FOXI2: variants seen among roughly 807,000 people sequenced by gnomAD.
The protein encoded by FOXI2 is forkhead box protein I2.
Under a neutral mutation model 14.3 loss-of-function variants are expected in FOXI2, and 17 were observed. The observed-to-expected ratio is 1.19, with a 90% CI of 0.81 to 1.78. FOXI2 has a LOEUF of 1.78. Ranked by LOEUF, FOXI2 falls within the 40% of genes most tolerant of loss-of-function variation. FOXI2 has a pLI of 0.00. For synonymous variants in FOXI2, 240 were observed against 218.8 expected (o/e 1.10, Z -0.85); for missense variants, 541 against 460.0 (o/e 1.18, Z -1.61).
At position 127,738,789 on chromosome 10, in the gene FOXI2, A is replaced by G; in HGVS notation, c.781A>G (p.Thr261Ala). 1 of 1,605,760 alleles carries G rather than the reference A, an allele frequency of 6.2e-7. No individual in the cohort carries two copies. Among genetic ancestry groups the G allele is most frequent in the Non-Finnish European group, 8.5e-7 (1 of 1,177,070 alleles). ...AMSALAGGLG[T>A]FPGGLAGDFS... is the part of the protein sequence containing the mutation. ...GAGCGCTCTGGCTGGCGGCCTTGGC[A>G]CCTTCCCCGGGGGCCTGGCGGGCGA... is the stretch of plus-strand genomic sequence containing the variant. Residue 261 changes from threonine to alanine, a missense_variant, in exon 2 of 2, where the codon ACC becomes GCC. Coordinates refer to ENST00000388920, the MANE Select transcript of FOXI2 (RefSeq NM_207426.3).
chr10:127,740,023 CT>C lies in FOXI2; in HGVS notation c.*1059del, dbSNP rs1418957141. ...ACCCACACTCACACTGACACCCACACTCACACCCACACTCACACTGACACCC... is the reference window on the plus strand; with the variant it reads ...ACCCACACTCACACTGACACCCACACCACACCCACACTCACACTGACACCC... On this transcript the variant is annotated 3_prime_UTR_variant, in exon 2 of 2. Coordinates refer to ENST00000388920, the MANE Select transcript of FOXI2 (RefSeq NM_207426.3). The C allele has an allele frequency of 7.0e-6, 1 of 141,888 alleles. No homozygotes were observed. Among genetic ancestry groups the C allele is most frequent in the African/African-American group, 2.7e-5 (1 of 37,248 alleles). The allele number at this position is 141,888 out of a possible 1,614,324, so 8.8% of individuals were successfully genotyped here. A position where few individuals can be genotyped will look rare whatever the true frequency, so the allele number is the denominator to read the frequency against.
rs1254912573 is a variant in FOXI2 at position 127,741,103 on chromosome 10, C to T, written c.*2138C>T. Reference sequence around the variant, plus strand: ...AAGACCAGGAAAGGAAAATAAATTCCTTAGCTTATACATTTAAAAAGTATC... The same window carrying T: ...AAGACCAGGAAAGGAAAATAAATTCTTTAGCTTATACATTTAAAAAGTATC... On this transcript the variant is annotated 3_prime_UTR_variant, in exon 2 of 2. Transcript: ENST00000388920. The T allele has an allele frequency of 6.6e-6, 1 of 152,194 alleles. No individual in the cohort carries two copies. The allele number at this position is 152,194 out of a possible 1,614,324, so 9.4% of individuals were successfully genotyped here.
At chr10:127,738,421 GC>G (rs1343791484) in intron 1 of FOXI2, 98 bp from the exon 2 acceptor site, 4 of 931,514 alleles carry the variant, frequency 4.3e-6, no homozygotes, top group Non-Finnish European at 4.9e-6. Flanking sequence ...CTCTGTAAGG[GC>G]CAGCAGGGGA....
At position 127,737,342 on chromosome 10, in the gene FOXI2, C is replaced by A. The variant is rs551514888; in HGVS notation, c.69C>A (p.His23Gln). The A allele has an allele frequency of 2.1e-5, 30 of 1,429,484 alleles. 1 individual carries two copies. The South Asian group carries it at 2.6e-4, about 12-fold the overall frequency. 88.6% of individuals were successfully genotyped at this position (1,429,484 alleles called of 1,614,324 possible). A position where few individuals can be genotyped will look rare whatever the true frequency, so the allele number is the denominator to read the frequency against. ...CCGGCCAGGCCCAGGCCACCGCGCACCCCCCGGGCTATGAGCCAGGGGATC... is the reference window on the plus strand; with the variant it reads ...CCGGCCAGGCCCAGGCCACCGCGCAACCCCCGGGCTATGAGCCAGGGGATC... Reference protein sequence around the residue: ...APPGQAQATAHPPGYEPGDLG... With the variant: ...APPGQAQATAQPPGYEPGDLG... Residue 23 changes from histidine (H) to glutamine (Q), a missense_variant, in exon 1 of 2, where the codon CAC becomes CAA. Transcript: ENST00000388920.
In FOXI2 at chr10:127,740,148, C is replaced by CAT. The variant is rs1554874577; in HGVS notation, c.*1184_*1185insTA. 9.1e-3 allele frequency: 89 copies of CAT among 9,818 alleles called. 3 individuals are homozygous for CAT. The highest frequency in any genetic ancestry group is 0.012 in the African/African-American group (77 of 6,574). 0.6% of individuals were successfully genotyped at this position (9,818 alleles called of 1,614,324 possible). A position where few individuals can be genotyped will look rare whatever the true frequency, so the allele number is the denominator to read the frequency against. ...ACCCACACACACCCACACTCATACTCACACCCACACCCACACTCATACTCA... is the reference window on the plus strand; with the variant it reads ...ACCCACACACACCCACACTCATACTCATACACCCACACCCACACTCATACTCA... On this transcript the variant is annotated 3_prime_UTR_variant, in exon 2 of 2. Coordinates refer to ENST00000388920, the MANE Select transcript of FOXI2 (RefSeq NM_207426.3).
chr10:127,738,359 C>T (rs964812492), intron 1 of FOXI2, among the ~76,000 whole-genome samples, 161 bp from the exon 2 acceptor site: 3 of 152,092 alleles, frequency 2.0e-5, no homozygotes, highest in African/African-American at 4.8e-5. Flanking sequence ...TGTGGAGGCC[C>T]ATCGGGTACA....
rs1341966949 is a variant in FOXI2, at chr10:127,738,569, C to T, written c.561C>T (p.Asp187=). 6.2e-7 allele frequency: 1 copy of T among 1,613,080 alleles called. No individual in the cohort carries two copies. The highest frequency in any genetic ancestry group is 1.1e-5 in the South Asian group (1 of 90,860). ...TLDPNCEKMF[D]NGNFRRKRKR... is the part of the protein sequence containing the mutation. ...ACCCCAACTGCGAGAAGATGTTTGA[C>T]AACGGGAACTTCCGAAGGAAGAGGA... Residue 187 remains aspartate (D), a synonymous_variant, in exon 2 of 2, where the codon GAC becomes GAT. Transcript: ENST00000388920.
In FOXI2 at chr10:127,740,386, G is replaced by A. The variant is rs1194432977; in HGVS notation, c.*1421G>A. ...TTCTTAGGGATGGTATCTTTGTGAA[G>A]GACAAGGAGCCCCCAGTCACTGGGA... is the stretch of plus-strand genomic sequence containing the variant. On this transcript the variant is annotated 3_prime_UTR_variant, in exon 2 of 2. Transcript: ENST00000388920. 2 of 152,322 alleles carry A rather than the reference G, an allele frequency of 1.3e-5. No individual in the cohort carries two copies. The highest frequency in any genetic ancestry group is 4.8e-5 in the African/African-American group (2 of 41,442). 9.4% of individuals were successfully genotyped at this position (152,322 alleles called of 1,614,324 possible).
chr10:127,737,412 G>A lies in FOXI2; in HGVS notation c.139G>A (p.Ala47Thr). 7.2e-7 allele frequency: 1 copy of A among 1,384,000 alleles called. No individual in the cohort carries two copies. Among genetic ancestry groups the A allele is most frequent in the Middle Eastern group, 2.6e-4 (1 of 3,792 alleles). 85.7% of individuals were successfully genotyped at this position (1,384,000 alleles called of 1,614,324 possible). Residue 47 changes from alanine (A) to threonine (T), a missense_variant, in exon 1 of 2, where the codon GCG becomes ACG. By Grantham distance (58) the Ala-to-Thr change is moderately conservative. Coordinates refer to ENST00000388920, the MANE Select transcript of FOXI2 (RefSeq NM_207426.3). ...CCCCCTCCTGTGGGTGAACGCGCCA[G>A]CGCTCAGCCCCAAGTCCTACGCTTC... ...GGPLLWVNAP[A>T]LSPKSYASGP...
chr10:127,738,753 G>T lies in FOXI2; in HGVS notation c.745G>T (p.Ala249Ser), dbSNP rs750516713. 1.9e-6 allele frequency: 3 copies of T among 1,604,192 alleles called. No individual in the cohort carries two copies. Among genetic ancestry groups the T allele is most frequent in the African/African-American group, 1.3e-5 (1 of 74,646 alleles). Residue 249 changes from alanine to serine, a missense_variant, in exon 2 of 2, where the codon GCT (alanine) becomes TCT (serine). Ala to Ser is a moderately conservative substitution (Grantham distance 99, BLOSUM62 1). Transcript: ENST00000388920. ...GGCCGCCACCTGCTTCTCCGGTTTC[G>T]CTTCTGCTATGAGCGCTCTGGCTGG... ...PEAATCFSGF[A>S]SAMSALAGGL...
In FOXI2 at chr10:127,740,209, C is replaced by CCACACT. The variant is rs1846507511; in HGVS notation, c.*1249_*1250insTCACAC. ...CCCACACCCACACCCACACCCACAC[C>CCACACT]CACACCCACACTCACACAGGCTCAT... is the stretch of plus-strand genomic sequence containing the variant. On this transcript the variant is annotated 3_prime_UTR_variant, in exon 2 of 2. Transcript: ENST00000388920. 3 of 141,342 alleles carry CCACACT rather than the reference C, an allele frequency of 2.1e-5. No homozygotes were observed. Among genetic ancestry groups the CCACACT allele is most frequent in the Admixed American group, 7.0e-5 (1 of 14,338 alleles). The allele number at this position is 141,342 out of a possible 1,614,324, so 8.8% of individuals were successfully genotyped here. A position where few individuals can be genotyped will look rare whatever the true frequency, so the allele number is the denominator to read the frequency against.
In FOXI2 at chr10:127,737,661, C is replaced by G. The variant is rs1397816335; in HGVS notation, c.388C>G (p.Gln130Glu). 1.3e-6 allele frequency: 2 copies of G among 1,590,952 alleles called. No homozygotes were observed. The highest frequency in any genetic ancestry group is 1.3e-5 in the African/African-American group (1 of 74,276). The part of the protein sequence containing the change: ...LRKLTLSQIY[Q>E]YVAGNFPFYK... ...GAAGCTGACGCTCAGCCAGATCTAC[C>G]AGTACGTGGCTGGTAACTTCCCTTT... is the stretch of plus-strand genomic sequence containing the variant. The change falls in exon 1 of 2, where the codon CAG (glutamine) becomes GAG (glutamate). Residue 130 changes from glutamine (Q) to glutamate (E), a missense_variant. Physicochemically the swap from Gln to Glu is conservative, Grantham distance 29. Coordinates refer to ENST00000388920, the MANE Select transcript of FOXI2 (RefSeq NM_207426.3).
In FOXI2 at chr10:127,739,831, ACCCACACTCACACTCACACT is replaced by A. The variant is rs1846476911; in HGVS notation, c.*868_*887del. ...CACTCACACCCACACCCACACCCAC[ACCCACACTCACACTCACACT>A]CACACCCACACTCACACCCACACTC... On this transcript the variant is annotated 3_prime_UTR_variant, in exon 2 of 2. Transcript: ENST00000388920. 9.1e-6 allele frequency: 1 copy of A among 109,410 alleles called. No homozygotes were observed. Among genetic ancestry groups the A allele is most frequent in the Non-Finnish European group, 1.9e-5 (1 of 53,688 alleles). The allele number at this position is 109,410 out of a possible 1,614,324, so 6.8% of individuals were successfully genotyped here.
At chr10:127,737,906 C>T in intron 1 of FOXI2, 122 bp downstream of exon 1, 1 of 1,436,164 alleles carries the variant, frequency 7.0e-7, no homozygotes, top group Non-Finnish European at 9.3e-7. Context: ...TGGGGATACC[C>T]GGGGAGGAGG....
In FOXI2 at chr10:127,738,724, C is replaced by A. The variant is rs367681319; in HGVS notation, c.716C>A (p.Pro239His). Residue 239 changes from proline (P) to histidine (H), a missense_variant, in exon 2 of 2, where the codon CCC becomes CAC. Pro to His is a moderately conservative substitution (Grantham distance 77). Coordinates refer to ENST00000388920, the MANE Select transcript of FOXI2 (RefSeq NM_207426.3). The part of the protein sequence containing the change: ...DLQASPSPSA[P>H]EAATCFSGFA... Reference sequence around the variant, plus strand: ...CAGGCCTCGCCCTCTCCATCCGCACCCGAGGCCGCCACCTGCTTCTCCGGT... The same window carrying A: ...CAGGCCTCGCCCTCTCCATCCGCACACGAGGCCGCCACCTGCTTCTCCGGT... 6.3e-6 allele frequency: 10 copies of A among 1,598,220 alleles called. No homozygotes were observed. The highest frequency in any genetic ancestry group is 6.8e-6 in the Non-Finnish European group (8 of 1,173,230).
chr10:127,737,230 G>A lies in FOXI2; in HGVS notation c.-44G>A. The stretch of plus-strand genomic sequence containing the variant: ...GCCAAGCTGGATGGGTCGCCAGTGA[G>A]TTTCGGTGCGGCACCGCTGGCCCAG... On this transcript the variant is annotated 5_prime_UTR_variant, in exon 1 of 2. Coordinates refer to ENST00000388920, the MANE Select transcript of FOXI2 (RefSeq NM_207426.3). 1 of 1,465,162 alleles carries A rather than the reference G, an allele frequency of 6.8e-7. No homozygotes were observed. Among genetic ancestry groups the A allele is most frequent in the Non-Finnish European group, 8.9e-7 (1 of 1,119,502 alleles). 90.8% of individuals were successfully genotyped at this position (1,465,162 alleles called of 1,614,324 possible). A position where few individuals can be genotyped will look rare whatever the true frequency, so the allele number is the denominator to read the frequency against.
Position 127,738,984 on chromosome 10 carries a change from C to A in FOXI2, c.*19C>A. On this transcript the variant is annotated 3_prime_UTR_variant, in exon 2 of 2. Coordinates refer to ENST00000388920, the MANE Select transcript of FOXI2 (RefSeq NM_207426.3). ...AGTTTGAAGGGAGGCTGGAGGCTAG[C>A]CGGGTGCGGGTCCAGAGGTGCTGAG... The A allele has an allele frequency of 6.3e-7, 1 of 1,590,224 alleles. No individual in the cohort carries two copies.
rs756386602 is a variant in FOXI2 at position 127,738,677 on chromosome 10, G to A, written c.669G>A (p.Pro223=). 2.3e-5 allele frequency: 36 copies of A among 1,595,520 alleles called. No individual in the cohort carries two copies. Among genetic ancestry groups the A allele is most frequent in the East Asian group, 4.6e-5 (2 of 43,870 alleles). ...GGAEAPALEP[P]SAACLDLQAS... is the part of the protein sequence containing the mutation. Reference sequence around the variant, plus strand: ...CCGAGGCGCCAGCGCTGGAGCCCCCGAGCGCGGCTTGCCTGGACCTGCAGG... The same window carrying A: ...CCGAGGCGCCAGCGCTGGAGCCCCCAAGCGCGGCTTGCCTGGACCTGCAGG... The change falls in exon 2 of 2, where the codon CCG becomes CCA. Residue 223 remains proline (P), a synonymous_variant. Coordinates refer to ENST00000388920, the MANE Select transcript of FOXI2 (RefSeq NM_207426.3).
rs1846456853 is a variant in FOXI2 at position 127,739,005 on chromosome 10, C to T, written c.*40C>T. ...CTAGCCGGGTGCGGGTCCAGAGGTG[C>T]TGAGCTCAGGCCTCCGGTTTCCCCT... is the stretch of plus-strand genomic sequence containing the variant. On this transcript the variant is annotated 3_prime_UTR_variant, in exon 2 of 2. Coordinates refer to ENST00000388920, the MANE Select transcript of FOXI2 (RefSeq NM_207426.3). 2 of 1,537,762 alleles carry T rather than the reference C, an allele frequency of 1.3e-6. No individual in the cohort carries two copies. Among genetic ancestry groups the T allele is most frequent in the Non-Finnish European group, 1.8e-6 (2 of 1,135,318 alleles).
Sources: gnomAD v4.1 joint callset for allele counts (sites outside exome capture counted in the v4.1 genomes callset) on GRCh38, gnomAD v4.1.1 for gene constraint, MANE v1.5 for transcripts, NCBI Gene and HGNC (gene_info 2026-07-23, HGNC 2026-07-21) for gene names.